The following SMIM31 variants were observed in gnomAD, a reference collection of about 807,000 sequenced individuals.
The protein encoded by SMIM31 is human epithelial cell program regulator.
intron 2 of SMIM31, among the ~76,000 whole-genome samples, chr4:164,795,072 T>C (rs568484757): frequency 6.6e-6 from 1 of 152,264 alleles, no homozygotes; most frequent in Non-Finnish European, 1.5e-5. Flanking sequence ...ATCTCTATTT[T>C]TACACTGCAA....
intron 2 of SMIM31, among the ~76,000 whole-genome samples, chr4:164,772,780 G>A (rs1364838207): frequency 6.6e-6 from 1 of 151,096 alleles, no homozygotes; most frequent in African/African-American, 2.4e-5. Flanking sequence ...GGGTTTCACC[G>A]TGTTAGCCGG....
chr4:164,783,776 T>C (rs192642014), intron 2 of SMIM31, among the ~76,000 whole-genome samples: 183 of 152,058 alleles, frequency 1.2e-3, no homozygotes, highest in Non-Finnish European at 1.9e-3. Flanking sequence ...AAAAAATAAA[T>C]ACATACACAC....
At chr4:164,769,879 A>AT (rs1732771560) in intron 1 of SMIM31, among the ~76,000 whole-genome samples, 1 of 152,108 alleles carries the variant, frequency 6.6e-6, no homozygotes, top group African/African-American at 2.4e-5. Context: ...TCAGTATAGT[A>AT]TATTGATTAA....
At chr4:164,779,412 A>G (rs763987719) in intron 2 of SMIM31, among the ~76,000 whole-genome samples, 8 of 152,224 alleles carry the variant, frequency 5.3e-5, no homozygotes, top group Non-Finnish European at 8.8e-5. Flanking sequence ...TCTTCTTCGT[A>G]AAAGTGAGGA....
intron 2 of SMIM31, among the ~76,000 whole-genome samples, chr4:164,781,674 C>G (rs951082512): frequency 6.6e-6 from 1 of 152,060 alleles, no homozygotes; most frequent in African/African-American, 2.4e-5. Context: ...TTGTGGCAAC[C>G]GATAATGTCT....
intron 1 of SMIM31, among the ~76,000 whole-genome samples, chr4:164,765,006 A>G (rs1311158621): frequency 6.6e-6 from 1 of 152,200 alleles, no homozygotes; most frequent in African/African-American, 2.4e-5. Context: ...TATTTCACCA[A>G]AACAGTTTAG....
chr4:164,799,344 C>T (rs1309278718), intron 2 of SMIM31, among the ~76,000 whole-genome samples: 1 of 151,506 alleles, frequency 6.6e-6, no homozygotes, highest in Admixed American at 6.6e-5. Flanking sequence ...AAGATCACGC[C>T]ACTGCACTCC....
At chr4:164,755,515 G>A (rs367641618) in intron 1 of SMIM31, among the ~76,000 whole-genome samples, 5 of 110,266 alleles carry the variant, frequency 4.5e-5, no homozygotes, top group East Asian at 6.7e-4. Context: ...GAGGGGGGAG[G>A]AGAGGGGAAG....
At chr4:164,786,149 C>A (rs1445411862) in intron 2 of SMIM31, among the ~76,000 whole-genome samples, 2 of 152,268 alleles carry the variant, frequency 1.3e-5, no homozygotes, top group Non-Finnish European at 1.5e-5. Context: ...ATTTTTGTGA[C>A]ACAATTTCCC....
At chr4:164,771,635 A>C (rs1732803779) in intron 2 of SMIM31, among the ~76,000 whole-genome samples, 1 of 151,486 alleles carries the variant, frequency 6.6e-6, no homozygotes, top group Admixed American at 6.6e-5. Context: ...CCCCGTCTCT[A>C]CTAAAAATAC....
At chr4:164,798,372 T>G (rs1352297981) in intron 2 of SMIM31, among the ~76,000 whole-genome samples, 2 of 151,992 alleles carry the variant, frequency 1.3e-5, no homozygotes, top group African/African-American at 2.4e-5. Context: ...TAGCTGGGAC[T>G]ACAGGCGCCC....
chr4:164,758,632 T>TG (rs1235952723), intron 1 of SMIM31, among the ~76,000 whole-genome samples: 1 of 120,332 alleles, frequency 8.3e-6, no homozygotes, highest in East Asian at 2.3e-4. Context: ...CTTTTTTTGT[T>TG]TTTTTTTTTT....
intron 1 of SMIM31, among the ~76,000 whole-genome samples, chr4:164,767,287 A>G (rs2110928026): frequency 6.6e-6 from 1 of 152,344 alleles, no homozygotes; most frequent in Admixed American, 6.5e-5. Flanking sequence ...TATCTAAGAA[A>G]TAATGACATA....
At chr4:164,792,305 T>C (rs1402567019) in intron 2 of SMIM31, among the ~76,000 whole-genome samples, 3 of 152,208 alleles carry the variant, frequency 2.0e-5, no homozygotes, top group African/African-American at 7.2e-5. Flanking sequence ...TAAAGATGTG[T>C]AGGAACTCAT....
intron 2 of SMIM31, among the ~76,000 whole-genome samples, chr4:164,773,773 G>T (rs1732844693): frequency 6.6e-6 from 1 of 152,114 alleles, no homozygotes; most frequent in African/African-American, 2.4e-5. Flanking sequence ...GTTGAAGTGA[G>T]AATTAAATAA....
At chr4:164,759,978 AAGG>A (rs1732623553) in intron 1 of SMIM31, among the ~76,000 whole-genome samples, 3 of 152,194 alleles carry the variant, frequency 2.0e-5, no homozygotes, top group Non-Finnish European at 4.4e-5. Context: ...CAAAGGCTTG[AAGG>A]AGGTAAGAGG....
At chr4:164,759,147 A>G (rs1732612992) in intron 1 of SMIM31, among the ~76,000 whole-genome samples, 1 of 152,034 alleles carries the variant, frequency 6.6e-6, no homozygotes, top group Non-Finnish European at 1.5e-5. Context: ...GTACATTAAG[A>G]ATATTAGTCC....
At chr4:164,788,251 T>C (rs1733052099) in intron 2 of SMIM31, among the ~76,000 whole-genome samples, 1 of 152,084 alleles carries the variant, frequency 6.6e-6, no homozygotes, top group African/African-American at 2.4e-5. Context: ...GACTCGCTAG[T>C]GCCAATTCTT....
chr4:164,784,190 T>C (rs994131528), intron 2 of SMIM31, among the ~76,000 whole-genome samples: 1 of 152,174 alleles, frequency 6.6e-6, no homozygotes, highest in African/African-American at 2.4e-5. Context: ...CAAGACTTTC[T>C]CACCACTCCC....
Sources: gnomAD v4.1 joint callset for allele counts (sites outside exome capture counted in the v4.1 genomes callset) on GRCh38, gnomAD v4.1.1 for gene constraint, MANE v1.5 for transcripts, NCBI Gene and HGNC (gene_info 2026-07-23, HGNC 2026-07-21) for gene names.